Variants in CACNA1C observed in about 807,000 individuals in gnomAD.
The protein encoded by CACNA1C is voltage-dependent L-type calcium channel subunit alpha-1C.
A neutral mutation model predicts 229.0 loss-of-function variants in CACNA1C; 30 were observed. The ratio of observed to expected loss-of-function variants is 0.13; its 90% CI spans 0.10 to 0.18. The LOEUF (loss-of-function observed/expected upper bound fraction) is 0.18, where lower values mean the gene tolerates loss of function less well. CACNA1C is among the 10% of genes least tolerant of loss of function. The pLI, the probability that CACNA1C is intolerant of heterozygous loss-of-function variation, is 1.00. For missense variants in CACNA1C, 1,658 were observed against 2,845.0 expected, an observed-to-expected ratio of 0.58 and a Z score of 9.49; for synonymous variants, 1,114 against 1,132.5, an observed-to-expected ratio of 0.98 and a Z score of 0.33.
chr12:2,103,756 A>G (rs571322015), intron 1 of CACNA1C, among the ~76,000 whole-genome samples: 1 of 152,310 alleles, frequency 6.6e-6, no homozygotes, highest in East Asian at 1.9e-4. Flanking sequence ...TTTTTGTATA[A>G]GGTATAAGGA....
In CACNA1C at chr12:2,054,732, T is replaced by A. The variant is rs536037744; in HGVS notation, c.49+1121T>A. Reference sequence around the variant, plus strand: ...CACTGCTCTGTCTCTTTGGGTGTAGTCTCTCCCTTTTCTCTCCCAGTTCCC... The same window carrying A: ...CACTGCTCTGTCTCTTTGGGTGTAGACTCTCCCTTTTCTCTCCCAGTTCCC... On this transcript the variant is annotated intron_variant, in intron 1 of 46. Transcript: ENST00000399655. This position sits in a 1 kb window ranked among gnomAD's most constrained non-coding sequence, Gnocchi z 5.5. Among the ~76,000 whole-genome samples, 1 of 151,968 alleles carries A rather than the reference T, an allele frequency of 6.6e-6. No homozygotes were observed. Among genetic ancestry groups the A allele is most frequent in the East Asian group, 1.9e-4 (1 of 5,156 alleles).
Position 2,533,518 on chromosome 12 carries a change from C to T in CACNA1C, c.1391-16425C>T, listed in dbSNP as rs1342055051. 5.3e-5 allele frequency among the ~76,000 whole-genome samples: 8 copies of T among 152,192 alleles called. No individual in the cohort carries two copies. The South Asian group carries it at 8.3e-4, about 16-fold the overall frequency. ...CCAGCCAGTCTTTCCAGGGTGCTTC[C>T]GATGCCTCCAGTGGAAGTCCCCAGC... On this transcript the variant is annotated intron_variant, in intron 9 of 46. Coordinates refer to ENST00000399655, the MANE Select transcript of CACNA1C (RefSeq NM_000719.7).
intron 3 of CACNA1C, among the ~76,000 whole-genome samples, chr12:2,391,517 G>A (rs1352216561): frequency 1.3e-5 from 2 of 151,910 alleles, no homozygotes; most frequent in Admixed American, 6.6e-5. Context: ...AGGGAAGCCC[G>A]GAAGGAAGCA....
chr12:2,559,004 T>C (rs1006030368), intron 11 of CACNA1C, among the ~76,000 whole-genome samples: 1 of 152,168 alleles, frequency 6.6e-6, no homozygotes. Flanking sequence ...CTCCAGCATC[T>C]GGAGAAGTGG....
rs147683555 is a variant in CACNA1C at position 2,483,996 on chromosome 12, G to GT, written c.758-2107dup. Reference sequence around the variant, plus strand: ...CACTCCTTCAGTAAATATTTACTGAGTGCCCACATATGCTCAGCACCAAGC... The same window carrying GT: ...CACTCCTTCAGTAAATATTTACTGAGTTGCCCACATATGCTCAGCACCAAGC... On this transcript the variant is annotated intron_variant, in intron 5 of 46. Transcript: ENST00000399655. 7.8e-3 allele frequency among the ~76,000 whole-genome samples: 1,184 copies of GT among 152,234 alleles called. 17 individuals carry two copies. Among genetic ancestry groups the GT allele is most frequent in the African/African-American group, 0.027 (1,128 of 41,514 alleles).
rs1347289267 is a variant in CACNA1C at position 2,135,682 on chromosome 12, G to A, written c.477+15252G>A. ...TGCCCGTTCTCAGATCTCCAGCCGC[G>A]TGCTGGGAGAACCACTGCTCTCTTC... On this transcript the variant is annotated intron_variant, in intron 3 of 46. Coordinates refer to ENST00000399655, the MANE Select transcript of CACNA1C (RefSeq NM_000719.7). Among the ~76,000 whole-genome samples the A allele has an allele frequency of 1.1e-3, 160 of 144,912 alleles. 5 individuals are homozygous for A. Among genetic ancestry groups the A allele is most frequent in the South Asian group, 7.6e-3 (35 of 4,608 alleles).
At chr12:2,427,589 C>CAATT in intron 3 of CACNA1C, among the ~76,000 whole-genome samples, 1 of 152,076 alleles carries the variant, frequency 6.6e-6, no homozygotes, top group East Asian at 1.9e-4. Context: ...GAATGGCTAG[C>CAATT]AATTGTCAGG....
At chr12:2,254,293 CTCTG>C (rs1162345788) in intron 3 of CACNA1C, among the ~76,000 whole-genome samples, 3 of 152,142 alleles carry the variant, frequency 2.0e-5, no homozygotes, top group Non-Finnish European at 4.4e-5. Flanking sequence ...CGACCCCAGA[CTCTG>C]TCTGTCAGTA....
chr12:2,568,474 A>C (rs1287290722), intron 13 of CACNA1C, among the ~76,000 whole-genome samples: 1 of 152,240 alleles, frequency 6.6e-6, no homozygotes, highest in African/African-American at 2.4e-5. Context: ...GTATATGCCC[A>C]AAATAATTGA....
At chr12:2,258,578 G>A (rs866842905) in intron 3 of CACNA1C, among the ~76,000 whole-genome samples, 3 of 152,096 alleles carry the variant, frequency 2.0e-5, no homozygotes, top group Non-Finnish European at 4.4e-5. Context: ...CCAATTTTCC[G>A]AGCCCATAAG....
chr12:2,157,734 C>T (rs1446633713), intron 3 of CACNA1C, among the ~76,000 whole-genome samples: 1 of 152,096 alleles, frequency 6.6e-6, no homozygotes, highest in African/African-American at 2.4e-5. Flanking sequence ...AGTTAAGGAT[C>T]CCTAAATGTC....
chr12:2,417,475 G>A (rs780982792), intron 3 of CACNA1C, among the ~76,000 whole-genome samples: 3 of 152,168 alleles, frequency 2.0e-5, no homozygotes, highest in Admixed American at 6.5e-5. Flanking sequence ...TCTGGGGATA[G>A]GGCCCAGGCA....
At chr12:2,295,145 C>T (rs1373151661) in intron 3 of CACNA1C, among the ~76,000 whole-genome samples, 2 of 152,172 alleles carry the variant, frequency 1.3e-5, no homozygotes, top group Non-Finnish European at 2.9e-5. Context: ...TAAACCACCC[C>T]GTGCCCTTCA....
intron 3 of CACNA1C, among the ~76,000 whole-genome samples, chr12:2,273,347 T>A (rs1223048362): frequency 6.6e-6 from 1 of 152,224 alleles, no homozygotes; most frequent in Non-Finnish European, 1.5e-5. Flanking sequence ...ATATTTTCTA[T>A]CTGTGGCTGG....
At chr12:2,362,189 T>G (rs1187737551) in intron 3 of CACNA1C, among the ~76,000 whole-genome samples, 15 of 152,116 alleles carry the variant, frequency 9.9e-5, no homozygotes, top group Non-Finnish European at 1.5e-5. Flanking sequence ...AGGCATACGG[T>G]GTAGCCCCAG....
chr12:2,505,914 TA>T (rs1490002888), intron 8 of CACNA1C, among the ~76,000 whole-genome samples: 1 of 152,114 alleles, frequency 6.6e-6, no homozygotes, highest in East Asian at 1.9e-4. Context: ...GAGTCTTCCC[TA>T]AATGTCTAGA....
intron 3 of CACNA1C, among the ~76,000 whole-genome samples, chr12:2,141,183 G>A (rs1306781782): frequency 6.6e-6 from 1 of 151,120 alleles, no homozygotes; most frequent in Non-Finnish European, 1.5e-5. Context: ...GGGCAGACAG[G>A]GGCTGAATTA....
At chr12:2,017,585 A>G (rs1009099915) in intron 1 of CACNA1C, among the ~76,000 whole-genome samples, 1 of 151,960 alleles carries the variant, frequency 6.6e-6, no homozygotes, top group African/African-American at 2.4e-5. Flanking sequence ...TTAGGATCCA[A>G]TTACCTGGAT....
intron 1 of CACNA1C, among the ~76,000 whole-genome samples, chr12:2,069,349 C>T (rs117426514): frequency 0.017 from 2,576 of 152,270 alleles, 46 homozygotes; most frequent in South Asian, 0.079. Flanking sequence ...AAAGACGGAG[C>T]CTTATGGAAA....
Sources: allele counts gnomAD v4.1 joint callset (sites outside exome capture counted in the v4.1 genomes callset), GRCh38; gene constraint gnomAD v4.1.1; non-coding constraint Gnocchi (gnomAD v3.1); transcripts MANE v1.5; gene names NCBI Gene and HGNC (gene_info 2026-07-23, HGNC 2026-07-21).